The following CERS6 variants were observed in gnomAD, a reference collection of about 807,000 sequenced individuals.
The protein encoded by CERS6 is ceramide synthase 6, also known as LAG1 homolog, ceramide synthase 6.
Under a neutral mutation model 56.8 loss-of-function variants are expected in CERS6, and 26 were observed. That is an observed-to-expected ratio of 0.46 (90% CI 0.34 to 0.63). The LOEUF (loss-of-function observed/expected upper bound fraction) is 0.63, where lower values mean the gene tolerates loss of function less well. Among genes scored for constraint, CERS6 ranks in the 30% least tolerant of loss-of-function variants. CERS6 has a pLI of 0.01. For missense variants in CERS6, 415 were observed against 467.5 expected (o/e 0.89, Z 1.04); for synonymous variants, 164 against 173.3 (o/e 0.95, Z 0.42).
At chr2:168,645,142 TAGAGAGAGAGAGAGAGAGAGAG>T (rs35865470) in intron 4 of CERS6, among the ~76,000 whole-genome samples, 3 of 12,748 alleles carry the variant, frequency 2.4e-4, no homozygotes, top group African/African-American at 8.0e-4. Flanking sequence ...TATATATATA[TAGAGAGAGAGAGAGAGAGAGAG>T]AGAGAGAGAG....
At chr2:168,557,972 C>G (rs1382915973) in intron 2 of CERS6, among the ~76,000 whole-genome samples, 1 of 151,952 alleles carries the variant, frequency 6.6e-6, no homozygotes, top group Non-Finnish European at 1.5e-5. Flanking sequence ...AAAAAATAGG[C>G]AGTAGATATG....
intron 3 of CERS6, among the ~76,000 whole-genome samples, chr2:168,570,557 G>A (rs150510982): frequency 8.3e-4 from 126 of 152,240 alleles, no homozygotes; most frequent in African/African-American, 3.0e-3. Context: ...ACCTCTGCTG[G>A]GGCCTGAACA....
At chr2:168,735,677 A>G (rs965760630) in intron 8 of CERS6, among the ~76,000 whole-genome samples, 1 of 151,840 alleles carries the variant, frequency 6.6e-6, no homozygotes, top group African/African-American at 2.4e-5. Flanking sequence ...GGAGTTCAAG[A>G]CCAGCCTGGG....
chr2:168,761,342 C>T (rs554280377), intron 8 of CERS6, among the ~76,000 whole-genome samples: 4 of 152,118 alleles, frequency 2.6e-5, no homozygotes, highest in East Asian at 1.9e-4. Flanking sequence ...AATGCCATGT[C>T]GCCAACGACT....
chr2:168,711,350 G>A (rs1425141517), intron 6 of CERS6, among the ~76,000 whole-genome samples: 1 of 152,180 alleles, frequency 6.6e-6, no homozygotes, highest in East Asian at 1.9e-4. Context: ...TATGAAATTA[G>A]TAAAGACTTA....
At chr2:168,725,991 A>G (rs1464841290) in intron 8 of CERS6, among the ~76,000 whole-genome samples, 2 of 152,178 alleles carry the variant, frequency 1.3e-5, no homozygotes, top group African/African-American at 4.8e-5. Flanking sequence ...CTTATGTGTA[A>G]TCTCTACGTT....
intron 1 of CERS6, among the ~76,000 whole-genome samples, chr2:168,458,517 CT>C (rs1031907642): frequency 9.9e-5 from 15 of 152,054 alleles, no homozygotes; most frequent in Non-Finnish European, 2.2e-4. Flanking sequence ...TATTTTCTTT[CT>C]TTTTTTCCAT....
intron 1 of CERS6, among the ~76,000 whole-genome samples, chr2:168,524,803 C>T (rs999716552): frequency 6.6e-6 from 1 of 151,666 alleles, no homozygotes; most frequent in Admixed American, 6.6e-5. Context: ...TTATTTCACA[C>T]AGTGACTATG....
At chr2:168,572,487 A>G (rs1696007581) in intron 3 of CERS6, among the ~76,000 whole-genome samples, 1 of 151,964 alleles carries the variant, frequency 6.6e-6, no homozygotes, top group African/African-American at 2.4e-5. Context: ...TACCCAGCTG[A>G]AGCACAATGT....
intron 1 of CERS6, among the ~76,000 whole-genome samples, chr2:168,547,138 C>A (rs888815012): frequency 2.0e-5 from 3 of 152,176 alleles, no homozygotes; most frequent in Non-Finnish European, 4.4e-5. Context: ...ATTATAGAGA[C>A]AAAAATTGCC....
intron 1 of CERS6, among the ~76,000 whole-genome samples, chr2:168,477,935 G>A (rs1694109250): frequency 6.6e-6 from 1 of 152,100 alleles, no homozygotes; most frequent in South Asian, 2.1e-4. Flanking sequence ...TTTTGGGAGT[G>A]TTTATTGTTT....
At chr2:168,646,171 T>C (rs982617249) in intron 4 of CERS6, among the ~76,000 whole-genome samples, 1 of 152,222 alleles carries the variant, frequency 6.6e-6, no homozygotes, top group Admixed American at 6.5e-5. Flanking sequence ...TGTGTAAGTG[T>C]TCCCCTTTCT....
At chr2:168,576,083 C>G (rs1417053004) in intron 3 of CERS6, among the ~76,000 whole-genome samples, 1 of 152,022 alleles carries the variant, frequency 6.6e-6, no homozygotes, top group South Asian at 2.1e-4. Flanking sequence ...TGGTTGTCTC[C>G]ATCATCCCAG....
rs537425974 is a variant in CERS6, at chr2:168,722,010, T to TA, written c.845+4033dup. Among the ~76,000 whole-genome samples, 210 of 152,322 alleles carry TA rather than the reference T, an allele frequency of 1.4e-3. 1 individual carries two copies. The highest frequency in any genetic ancestry group is 2.5e-3 in the Non-Finnish European group (168 of 68,034). Reference sequence around the variant, plus strand: ...CTTTCTCTACTTCCTTGCCAACACTTACGATTTTTCATATTGTATTCATTT... The same window carrying TA: ...CTTTCTCTACTTCCTTGCCAACACTTAACGATTTTTCATATTGTATTCATTT... On this transcript the variant is annotated intron_variant, in intron 8 of 9. Transcript: ENST00000305747.
At chr2:168,748,831 T>TTG in intron 8 of CERS6, among the ~76,000 whole-genome samples, 1 of 89,558 alleles carries the variant, frequency 1.1e-5, no homozygotes, top group African/African-American at 3.0e-5. Flanking sequence ...TGGTTGGGGG[T>TTG]GGGGGGGGGG....
intron 3 of CERS6, among the ~76,000 whole-genome samples, chr2:168,577,053 G>A (rs1285225340): frequency 1.3e-5 from 2 of 152,170 alleles, no homozygotes; most frequent in African/African-American, 4.8e-5. Context: ...CAGCTGGATA[G>A]GTGAATGCAC....
chr2:168,619,858 A>G (rs1353477034), intron 3 of CERS6, among the ~76,000 whole-genome samples: 1 of 151,694 alleles, frequency 6.6e-6, no homozygotes, highest in Non-Finnish European at 1.5e-5. Flanking sequence ...AGAAGTCATT[A>G]TGTGAAAAAG....
rs77071153 is a variant in CERS6, at chr2:168,633,316, C to T, written c.465+2274C>T. On this transcript the variant is annotated intron_variant, in intron 4 of 9. Coordinates refer to ENST00000305747, the MANE Select transcript of CERS6 (RefSeq NM_203463.3). ...GTGTAGTTTAGTCTTACTCATAATG[C>T]GAAGTAGAAATGCATACATAGAATT... is the stretch of plus-strand genomic sequence containing the variant. 5.9e-5 allele frequency among the ~76,000 whole-genome samples: 9 copies of T among 152,154 alleles called. No homozygotes were observed. In the South Asian group the frequency reaches 8.3e-4, roughly 14 times the overall value.
intron 8 of CERS6, among the ~76,000 whole-genome samples, chr2:168,747,854 C>CA (rs985655670): frequency 6.6e-6 from 1 of 151,740 alleles, no homozygotes; most frequent in Non-Finnish European, 1.5e-5. Context: ...CACACACACA[C>CA]ACGCATTTGC....
Sources: allele counts gnomAD v4.1 joint callset (sites outside exome capture counted in the v4.1 genomes callset), GRCh38; gene constraint gnomAD v4.1.1; transcripts MANE v1.5; gene names NCBI Gene and HGNC (gene_info 2026-07-23, HGNC 2026-07-21).